TTLL5: variants seen among roughly 807,000 people sequenced by gnomAD.
TTLL5 encodes the protein tubulin tyrosine ligase like 5.
A neutral mutation model predicts 168.4 loss-of-function variants in TTLL5; 132 were observed. The ratio of observed to expected loss-of-function variants is 0.78; its 90% CI spans 0.68 to 0.91. The LOEUF (loss-of-function observed/expected upper bound fraction) is 0.91, where lower values mean the gene tolerates loss of function less well. Among genes scored for constraint, TTLL5 ranks in the 40% least tolerant of loss-of-function variants. The pLI is 0.00. For synonymous variants in TTLL5, 546 were observed against 558.6 expected (o/e 0.98, Z 0.32); for missense variants, 1,545 against 1,581.5 (o/e 0.98, Z 0.39).
chr14:75,820,718 T>C (rs12206), intron 28 of TTLL5: 137,554 of 153,676 alleles, frequency 0.9, 61,747 homozygotes, highest in African/African-American at 0.94. Flanking sequence ...ACGTAGCTTC[T>C]GGCAATAATG....
intron 5 of TTLL5, chr14:75,685,108 G>A (rs1411196629): frequency 6.6e-6 from 1 of 152,118 alleles, no homozygotes; most frequent in Non-Finnish European, 1.5e-5. Flanking sequence ...TTGGCTAGGT[G>A]CAGCGGCTCA....
In TTLL5 at chr14:75,792,940, A is replaced by G. The variant is rs1892808471; in HGVS notation, c.3011A>G (p.His1004Arg). 1.9e-6 allele frequency: 3 copies of G among 1,609,918 alleles called. No individual in the cohort carries two copies. Among genetic ancestry groups the G allele is most frequent in the African/African-American group, 1.3e-5 (1 of 74,862 alleles). The change falls in exon 27 of 32, where the codon CAT (histidine) becomes CGT (arginine). Residue 1004 changes from histidine (H) to arginine (R), a missense_variant. Transcript: ENST00000298832. ...KAGSCYLNKH[H>R]SGIAKTQKEG... ...GGATCGTGCTATCTAAACAAGCATCATTCAGGAATAGCCAAAACACAAAAA... is the reference window on the plus strand; with the variant it reads ...GGATCGTGCTATCTAAACAAGCATCGTTCAGGAATAGCCAAAACACAAAAA...
chr14:75,922,413 C>T (rs2033858634), intron 31 of TTLL5, among the ~76,000 whole-genome samples: 2 of 152,102 alleles, frequency 1.3e-5, no homozygotes, highest in Admixed American at 6.5e-5. Context: ...TCCATCAATA[C>T]CTAGCTTATT....
intron 30 of TTLL5, among the ~76,000 whole-genome samples, chr14:75,883,838 C>T (rs1299194664): frequency 6.6e-6 from 1 of 152,154 alleles, no homozygotes; most frequent in Non-Finnish European, 1.5e-5. Flanking sequence ...TAGGAAAGGG[C>T]AGTAGGAAGG....
At chr14:75,838,333 T>A (rs1353831532) in intron 28 of TTLL5, 1 of 151,006 alleles carries the variant, frequency 6.6e-6, no homozygotes, top group South Asian at 2.1e-4. Flanking sequence ...GGTGGGTGGA[T>A]CATGAGGTCA....
At chr14:75,720,017 G>A (rs1887740533) in intron 11 of TTLL5, among the ~76,000 whole-genome samples, 191 bp downstream of exon 11, 1 of 152,150 alleles carries the variant, frequency 6.6e-6, no homozygotes, top group Non-Finnish European at 1.5e-5. Flanking sequence ...CCCTTTTCTT[G>A]TTTCGGGTCT....
intron 27 of TTLL5, among the ~76,000 whole-genome samples, chr14:75,807,282 C>T (rs1187964924): frequency 6.6e-6 from 1 of 151,996 alleles, no homozygotes; most frequent in Non-Finnish European, 1.5e-5. Flanking sequence ...ACCCCAACTC[C>T]ACAAAAAAGA....
intron 3 of TTLL5, among the ~76,000 whole-genome samples, chr14:75,674,040 C>T (rs375544951): frequency 3.9e-5 from 6 of 152,194 alleles, no homozygotes; most frequent in South Asian, 4.1e-4. Context: ...TGGCAATAGG[C>T]GGACCCTTCT....
chr14:75,704,541 A>G (rs1409998229), intron 7 of TTLL5, among the ~76,000 whole-genome samples: 3 of 152,230 alleles, frequency 2.0e-5, no homozygotes, highest in Non-Finnish European at 2.9e-5. Flanking sequence ...GCTGTCTTAG[A>G]AAAGAAAGAT....
intron 27 of TTLL5, among the ~76,000 whole-genome samples, chr14:75,819,662 A>C (rs190928685): frequency 2.0e-3 from 307 of 152,356 alleles, no homozygotes; most frequent in African/African-American, 6.6e-3. Context: ...TGAGGTAACA[A>C]GGGCAGAAAG....
chr14:75,704,856 C>T (rs1271621278), intron 7 of TTLL5, among the ~76,000 whole-genome samples: 1 of 152,090 alleles, frequency 6.6e-6, no homozygotes, highest in East Asian at 1.9e-4. Context: ...GTTTATGTTA[C>T]GTGTAACTCA....
chr14:75,691,490 A>G (rs999889290), intron 6 of TTLL5, among the ~76,000 whole-genome samples: 10 of 152,376 alleles, frequency 6.6e-5, no homozygotes, highest in African/African-American at 2.4e-4. Context: ...GAGGCGACTA[A>G]GGTACAGTTT....
intron 31 of TTLL5, among the ~76,000 whole-genome samples, chr14:75,928,366 T>TATATATATATATATATA (rs1202108865): frequency 4.2e-5 from 6 of 142,318 alleles, no homozygotes; most frequent in African/African-American, 1.6e-4. Context: ...TATATATATA[T>TATATATATATATATATA]ATCACTGTAT....
In TTLL5 at chr14:75,699,211, C is replaced by T. The variant is rs146224123; in HGVS notation, c.526C>T (p.Pro176Ser). 74 of 1,613,744 alleles carry T rather than the reference C, an allele frequency of 4.6e-5. No individual in the cohort carries two copies. Among genetic ancestry groups the T allele is most frequent in the Non-Finnish European group, 5.7e-5 (67 of 1,179,906 alleles). ...AGATTCATATTCGAAGGACCGGGGA[C>T]CTTGGATAGTAAAACCAGTGGCATC... Reference protein sequence around the residue: ...FCNSYSKDRGPWIVKPVASSR... With the variant: ...FCNSYSKDRGSWIVKPVASSR... The change falls in exon 7 of 32, where the codon CCT (proline) becomes TCT (serine). Residue 176 changes from proline to serine, a missense_variant. Pro to Ser is a moderately conservative substitution (Grantham distance 74). Coordinates refer to ENST00000298832, the MANE Select transcript of TTLL5 (RefSeq NM_015072.5).
Position 75,766,153 on chromosome 14 carries a change from G to A in TTLL5, c.1800G>A (p.Gln600=). 3 of 1,614,060 alleles carry A rather than the reference G, an allele frequency of 1.9e-6. No homozygotes were observed. The highest frequency in any genetic ancestry group is 1.7e-6 in the Non-Finnish European group (2 of 1,179,992). The stretch of plus-strand genomic sequence containing the variant: ...CATTAGATAATGAAGATGAAGAACA[G>A]GAGGCTTCCCAGGAGGAGTCTGCAG... ...EVALDNEDEE[Q]EASQEESAGF... The change falls in exon 20 of 32, where the codon CAG becomes CAA. Residue 600 remains glutamine (Q), a synonymous_variant. Coordinates refer to ENST00000298832, the MANE Select transcript of TTLL5 (RefSeq NM_015072.5).
At chr14:75,829,216 C>A (rs370617940) in intron 28 of TTLL5, among the ~76,000 whole-genome samples, 1 of 152,086 alleles carries the variant, frequency 6.6e-6, no homozygotes, top group African/African-American at 2.4e-5. Context: ...CTTGGATAGG[C>A]CAACAGGCTG....
intron 30 of TTLL5, among the ~76,000 whole-genome samples, chr14:75,889,319 G>T (rs1047859683): frequency 6.6e-6 from 1 of 152,100 alleles, no homozygotes; most frequent in South Asian, 2.1e-4. Flanking sequence ...TCCAGAAAGA[G>T]AATAGAAATA....
chr14:75,794,942 C>G (rs1442899830), intron 27 of TTLL5, among the ~76,000 whole-genome samples: 1 of 152,170 alleles, frequency 6.6e-6, no homozygotes. Context: ...GGACAGTTCA[C>G]TCTACTCTTC....
At chr14:75,866,531 T>C (rs568424649) in intron 29 of TTLL5, among the ~76,000 whole-genome samples, 8 of 152,334 alleles carry the variant, frequency 5.3e-5, no homozygotes, top group African/African-American at 9.6e-5. Context: ...ATTTATCTTA[T>C]ATCATATTAT....
Sources: allele counts gnomAD v4.1 joint callset (sites outside exome capture counted in the v4.1 genomes callset), GRCh38; gene constraint gnomAD v4.1.1; transcripts MANE v1.5; gene names NCBI Gene and HGNC (gene_info 2026-07-23, HGNC 2026-07-21).